Variants in IL31RA observed in about 807,000 individuals in gnomAD.
IL31RA encodes the protein interleukin 31 receptor A.
IL31RA carries 66 observed loss-of-function variants against 83.7 expected under a neutral mutation model. That is an observed-to-expected ratio of 0.79 (90% CI 0.65 to 0.97). The LOEUF (loss-of-function observed/expected upper bound fraction) is 0.97, where lower values mean the gene tolerates loss of function less well. IL31RA is among the 50% of genes least tolerant of loss of function. The pLI is 0.00. For missense variants in IL31RA, 798 were observed against 919.4 expected (o/e 0.87, Z 1.71); for synonymous variants, 325 against 329.0 (o/e 0.99, Z 0.13).
At chr5:55,874,092 T>C (rs901538846) in intron 4 of IL31RA, among the ~76,000 whole-genome samples, 1 of 152,100 alleles carries the variant, frequency 6.6e-6, no homozygotes, top group African/African-American at 2.4e-5. Context: ...TCTAACTTTA[T>C]TCTTTTGCAT....
At chr5:55,858,050 T>A (rs1456679131) in intron 1 of IL31RA, among the ~76,000 whole-genome samples, 4 of 152,138 alleles carry the variant, frequency 2.6e-5, no homozygotes, top group African/African-American at 9.7e-5. Context: ...GTTTTTTTTT[T>A]AAATTTCACA....
intron 6 of IL31RA, among the ~76,000 whole-genome samples, chr5:55,890,438 C>T (rs1348205112): frequency 1.3e-5 from 2 of 152,156 alleles, no homozygotes; most frequent in South Asian, 2.1e-4. Context: ...GATGTGATCT[C>T]GGCTCACTGC....
intron 12 of IL31RA, among the ~76,000 whole-genome samples, chr5:55,912,946 G>A (rs760516282): frequency 1.1e-4 from 17 of 151,742 alleles, no homozygotes; most frequent in South Asian, 2.1e-4. Flanking sequence ...CAGCCTGGGC[G>A]ACAGAGCAAG....
upstream of IL31RA, among the ~76,000 whole-genome samples, chr5:55,851,063 C>A (rs1414758302): frequency 1.3e-5 from 2 of 151,586 alleles, no homozygotes; most frequent in African/African-American, 4.9e-5. Context: ...CAATTGCACT[C>A]CAGCCTAAGC....
At chr5:55,899,775 C>T (rs1748692204) in intron 7 of IL31RA, 141 bp from the exon 8 acceptor site, 1 of 700,978 alleles carries the variant, frequency 1.4e-6, no homozygotes, top group African/African-American at 1.8e-5. Flanking sequence ...CTTATTCATC[C>T]CTGGAGGGTA....
At chr5:55,906,030 T>C (rs1309736400) in intron 8 of IL31RA, 76 bp from the exon 9 acceptor site, 1 of 1,439,810 alleles carries the variant, frequency 6.9e-7, no homozygotes, top group Non-Finnish European at 9.8e-7. Context: ...GCTGAGGCAA[T>C]GAGGATGCCA....
At position 55,872,458 on chromosome 5, in the gene IL31RA, G is replaced by A; in HGVS notation, c.454+7G>A. The A allele has an allele frequency of 6.4e-7, 1 of 1,556,526 alleles. No homozygotes were observed. The highest frequency in any genetic ancestry group is 8.9e-7 in the Non-Finnish European group (1 of 1,129,416). The stretch of plus-strand genomic sequence containing the variant: ...TGGAGATTAGAGAACATAGGTAAGT[G>A]TTATTTGATACTCTTATATACTCTT... On this transcript the variant is annotated splice_region_variant and intron_variant, in intron 4 of 14. Coordinates refer to ENST00000652347, the MANE Select transcript of IL31RA (RefSeq NM_139017.7).
At position 55,851,454 on chromosome 5, in the gene IL31RA, CA is replaced by C. The variant is rs139199403; in HGVS notation, c.-108del. 430 of 1,551,734 alleles carry C rather than the reference CA, an allele frequency of 2.8e-4. 1 individual carries two copies. The highest frequency in any genetic ancestry group is 6.1e-4 in the East Asian group (26 of 42,902). ...ATCACTCATAAAAGGCAAAAAATTG[CA>C]AAAAAAAATAGTAATAACCAGCATG... On this transcript the variant is annotated 5_prime_UTR_variant, in exon 1 of 15. Transcript: ENST00000652347.
chr5:55,914,422 A>G (rs1210949420), intron 13 of IL31RA, among the ~76,000 whole-genome samples: 1 of 152,216 alleles, frequency 6.6e-6, no homozygotes, highest in African/African-American at 2.4e-5. Flanking sequence ...ACAAGTTCCC[A>G]GGTGATCCCA....
chr5:55,907,010 G>T (rs1749197842), intron 9 of IL31RA, among the ~76,000 whole-genome samples: 2 of 152,230 alleles, frequency 1.3e-5, no homozygotes, highest in South Asian at 4.1e-4. Flanking sequence ...CAGTGTTTGA[G>T]ATCCACAGGG....
intron 1 of IL31RA, chr5:55,853,592 G>A: frequency 2.6e-6 from 4 of 1,548,012 alleles, no homozygotes; most frequent in Middle Eastern, 1.7e-4. Context: ...ATTTAGAAGA[G>A]TGATAGTTTG....
chr5:55,901,973 G>T (rs573251415), intron 8 of IL31RA, among the ~76,000 whole-genome samples: 1 of 152,058 alleles, frequency 6.6e-6, no homozygotes, highest in Non-Finnish European at 1.5e-5. Flanking sequence ...ACAGATTATC[G>T]ACTTTAAAAA....
rs1746879218 is a variant in IL31RA at position 55,876,821 on chromosome 5, C to T, written c.454+4370C>T. ...TGTTACTCAGGCTGGTCTTGAACTT[C>T]TGGCCTCAAATGAACCCTCTGCTTT... is the stretch of plus-strand genomic sequence containing the variant. On this transcript the variant is annotated intron_variant, in intron 4 of 14. Transcript: ENST00000652347. Among the ~76,000 whole-genome samples the T allele has an allele frequency of 2.6e-5, 4 of 152,062 alleles. No homozygotes were observed. In the South Asian group the frequency reaches 8.3e-4, roughly 32 times the overall value.
Position 55,891,761 on chromosome 5 carries a change from A to ATTTTTTTTTTTTTT in IL31RA, c.772+1645_772+1658dup, listed in dbSNP as rs35672011. Among the ~76,000 whole-genome samples, 60 of 60,032 alleles carry ATTTTTTTTTTTTTT rather than the reference A, an allele frequency of 1.0e-3. 11 individuals carry two copies. Among genetic ancestry groups the ATTTTTTTTTTTTTT allele is most frequent in the East Asian group, 1.2e-3 (2 of 1,656 alleles). 39.4% of individuals were successfully genotyped at this position (60,032 alleles called of 152,430 possible). On this transcript the variant is annotated intron_variant, in intron 6 of 14. Coordinates refer to ENST00000652347, the MANE Select transcript of IL31RA (RefSeq NM_139017.7). ...TACAGGTTCCAGGGATTTGGACAAGATTTTTTTTTTTTTTTTTTTTTTTTT... is the reference window on the plus strand; with the variant it reads ...TACAGGTTCCAGGGATTTGGACAAGATTTTTTTTTTTTTTTTTTTTTTTTTTTTTTTTTTTTTTT...
rs1211578495 is a variant in IL31RA, at chr5:55,903,500, C to T, written c.1070-2606C>T. On this transcript the variant is annotated intron_variant, in intron 8 of 14. Coordinates refer to ENST00000652347, the MANE Select transcript of IL31RA (RefSeq NM_139017.7). This position sits in a 1 kb window ranked among gnomAD's most constrained non-coding sequence, Gnocchi z 4.7. ...TGAGTAGAGTGATGACTTGGAAATT[C>T]CCCTTTTGGCGCCCCTTGGTGTGGC... 6.6e-6 allele frequency among the ~76,000 whole-genome samples: 1 copy of T among 152,188 alleles called. No individual in the cohort carries two copies. Among genetic ancestry groups the T allele is most frequent in the Non-Finnish European group, 1.5e-5 (1 of 68,034 alleles).
intron 2 of IL31RA, among the ~76,000 whole-genome samples, chr5:55,867,139 G>GTGTGTGCATGTGTGTGTGTGCA (rs371523663): frequency 1.1e-3 from 57 of 51,396 alleles, no homozygotes; most frequent in African/African-American, 3.6e-3. Flanking sequence ...GTGTGTGCAT[G>GTGTGTGCATGTGTGTGTGTGCA]TGTGTGTGCA....
At chr5:55,871,388 C>A (rs988559498) in intron 3 of IL31RA, among the ~76,000 whole-genome samples, 1 of 152,208 alleles carries the variant, frequency 6.6e-6, no homozygotes, top group African/African-American at 2.4e-5. Context: ...TGGTACCTTG[C>A]AAGGTGGGCC....
intron 2 of IL31RA, among the ~76,000 whole-genome samples, chr5:55,867,237 G>A (rs1324311905): frequency 8.9e-6 from 1 of 112,534 alleles, no homozygotes; most frequent in Admixed American, 9.5e-5. Flanking sequence ...GTGTGTTTGT[G>A]TGTGTGTTTG....
At chr5:55,889,335 C>T (rs1282889236) in intron 5 of IL31RA, among the ~76,000 whole-genome samples, 1 of 152,096 alleles carries the variant, frequency 6.6e-6, no homozygotes, top group African/African-American at 2.4e-5. Flanking sequence ...CTCTTTCCTC[C>T]CCAAGAGAGT....
Sources: gnomAD v4.1 joint callset for allele counts (sites outside exome capture counted in the v4.1 genomes callset) on GRCh38, gnomAD v4.1.1 for gene constraint, Gnocchi (gnomAD v3.1) non-coding constraint, MANE v1.5 for transcripts, NCBI Gene and HGNC (gene_info 2026-07-23, HGNC 2026-07-21) for gene names.